PCDHGA6: variants seen among roughly 807,000 people sequenced by gnomAD.
The protein encoded by PCDHGA6 is protocadherin gamma subfamily A, 6, also known as protocadherin gamma-A6.
Under a neutral mutation model 60.6 loss-of-function variants are expected in PCDHGA6, and 41 were observed. The ratio of observed to expected loss-of-function variants is 0.68; its 90% CI spans 0.53 to 0.88. The LOEUF is 0.88. PCDHGA6 is among the 40% of genes least tolerant of loss of function. PCDHGA6 has a pLI of 0.00. For missense variants in PCDHGA6, 1,312 were observed against 1,203.0 expected (o/e 1.09, Z -1.34); for synonymous variants, 594 against 524.4 (o/e 1.13, Z -1.81).
At chr5:141,387,643 C>G in intron 1 of PCDHGA6, 1 of 625,670 alleles carries the variant, frequency 1.6e-6, no homozygotes, top group Non-Finnish European at 2.7e-6. Flanking sequence ...CGCTGTTGGC[C>G]AAAGTGGAGA....
intron 1 of PCDHGA6, among the ~76,000 whole-genome samples, chr5:141,472,913 G>A (rs1049221725): frequency 2.0e-5 from 3 of 147,764 alleles, no homozygotes; most frequent in African/African-American, 2.5e-5. Context: ...TTGAACCCAA[G>A]AGGAGGAGGT....
In PCDHGA6 at chr5:141,408,945, G is replaced by A. The variant is rs1176579339; in HGVS notation, c.2424+32438G>A. 21 of 1,613,590 alleles carry A rather than the reference G, an allele frequency of 1.3e-5. No individual in the cohort carries two copies. In the East Asian group the frequency reaches 4.7e-4, roughly 36 times the overall value. Reference sequence around the variant, plus strand: ...CCGGTTTTCAGCAGAGACGAATATAGAATTAGTCTTAGTGAAAATCTGCCC... The same window carrying A: ...CCGGTTTTCAGCAGAGACGAATATAAAATTAGTCTTAGTGAAAATCTGCCC... On this transcript the variant is annotated intron_variant, in intron 1 of 3. Coordinates refer to ENST00000517434, the MANE Select transcript of PCDHGA6 (RefSeq NM_018919.3).
At chr5:141,450,792 G>T (rs1222162745) in intron 1 of PCDHGA6, among the ~76,000 whole-genome samples, 2 of 149,686 alleles carry the variant, frequency 1.3e-5, no homozygotes, top group Non-Finnish European at 3.0e-5. Context: ...CGGACCTCAT[G>T]ATTGTATTTA....
chr5:141,407,938 GC>G, intron 1 of PCDHGA6: 1 of 510,154 alleles, frequency 2.0e-6, no homozygotes, highest in Non-Finnish European at 3.3e-6. Context: ...GCCTCTGGGC[GC>G]CGCTGTCGGC....
chr5:141,470,872 TTTTTTG>T (rs900302332), intron 1 of PCDHGA6, among the ~76,000 whole-genome samples: 3 of 151,814 alleles, frequency 2.0e-5, no homozygotes, highest in African/African-American at 4.8e-5. Context: ...GTTTGTTTGT[TTTTTTG>T]TTTTTGTTTT....
rs2099413641 is a variant in PCDHGA6, at chr5:141,477,586, T to C, written c.2425-17221T>C. The C allele has an allele frequency of 1.9e-6, 3 of 1,614,022 alleles. No individual in the cohort carries two copies. The highest frequency in any genetic ancestry group is 2.5e-6 in the Non-Finnish European group (3 of 1,180,036). On this transcript the variant is annotated intron_variant, in intron 1 of 3. Transcript: ENST00000517434. This position sits in a 1 kb window ranked among gnomAD's most constrained non-coding sequence, Gnocchi z 4.9. ...GGGACCCCGACGCCCCGCAGAATGC[T>C]CGGCTTTCTTTCTTTCTCTTGGAGC... is the stretch of plus-strand genomic sequence containing the variant.
intron 1 of PCDHGA6, among the ~76,000 whole-genome samples, chr5:141,443,695 A>G (rs1324985529): frequency 1.3e-5 from 2 of 152,272 alleles, no homozygotes; most frequent in Non-Finnish European, 2.9e-5. Context: ...TTCAAAAATT[A>G]TAGAATAACA....
At chr5:141,399,942 G>T (rs780939486) in intron 1 of PCDHGA6, 2 of 1,612,258 alleles carry the variant, frequency 1.2e-6, no homozygotes, top group Admixed American at 3.3e-5. Flanking sequence ...ACCACGTGCT[G>T]CAGGCTAGCG....
At chr5:141,388,811 A>C (rs375009380) in intron 1 of PCDHGA6, 21 of 1,613,866 alleles carry the variant, frequency 1.3e-5, no homozygotes, top group Non-Finnish European at 1.6e-5. Context: ...ATTTTGAAGA[A>C]GTCAAAGAAT....
In PCDHGA6 at chr5:141,432,218, A is replaced by T. The variant is rs570925415; in HGVS notation, c.2424+55711A>T. On this transcript the variant is annotated intron_variant, in intron 1 of 3. Transcript: ENST00000517434. This position sits in a 1 kb window ranked among gnomAD's most constrained non-coding sequence, Gnocchi z 6.0. Reference sequence around the variant, plus strand: ...CCCCGACTGTGAAGAGAACGCCCAGATCACTTATTCCCTGGCTGAGAACAC... The same window carrying T: ...CCCCGACTGTGAAGAGAACGCCCAGTTCACTTATTCCCTGGCTGAGAACAC... The T allele has an allele frequency of 6.2e-7, 1 of 1,614,148 alleles. No homozygotes were observed. The highest frequency in any genetic ancestry group is 1.3e-5 in the African/African-American group (1 of 75,030).
In PCDHGA6 at chr5:141,403,920, A is replaced by T. The variant is rs1470961343; in HGVS notation, c.2424+27413A>T. 8.1e-6 allele frequency: 13 copies of T among 1,613,904 alleles called. No homozygotes were observed. Among genetic ancestry groups the T allele is most frequent in the Non-Finnish European group, 1.1e-5 (13 of 1,179,882 alleles). On this transcript the variant is annotated intron_variant, in intron 1 of 3. Transcript: ENST00000517434. ...TATGAAATGGAAATACAAGCTGAAG[A>T]TGGTGGGGGATTGAAAGGGTGGACA...
chr5:141,386,000 AT>A (rs1420495491), intron 1 of PCDHGA6: 3 of 152,258 alleles, frequency 2.0e-5, no homozygotes, highest in Admixed American at 6.5e-5. Flanking sequence ...ATAAAATGTC[AT>A]TTTAAGTGTT....
At chr5:141,380,165 G>C (rs900894194) in intron 1 of PCDHGA6, among the ~76,000 whole-genome samples, 2 of 152,092 alleles carry the variant, frequency 1.3e-5, no homozygotes, top group Non-Finnish European at 2.9e-5. Flanking sequence ...CTCTCAAAGG[G>C]CTGGGATTAC....
intron 1 of PCDHGA6, among the ~76,000 whole-genome samples, chr5:141,469,029 C>A (rs2099189188): frequency 6.6e-6 from 1 of 152,052 alleles, no homozygotes; most frequent in Non-Finnish European, 1.5e-5. Flanking sequence ...GTAATCCCAG[C>A]ACTTTGGGAG....
intron 1 of PCDHGA6, chr5:141,410,044 C>G: frequency 6.2e-7 from 1 of 1,613,184 alleles, no homozygotes; most frequent in Non-Finnish European, 8.5e-7. Flanking sequence ...CCAGTGAGCC[C>G]GGACTCTTCA....
At chr5:141,450,004 C>CTTTAT (rs2098662217) in intron 1 of PCDHGA6, among the ~76,000 whole-genome samples, 1 of 75,148 alleles carries the variant, frequency 1.3e-5, no homozygotes, top group Non-Finnish European at 2.3e-5. Flanking sequence ...GTTGCCATGT[C>CTTTAT]TCTTTTTTTT....
intron 1 of PCDHGA6, among the ~76,000 whole-genome samples, chr5:141,446,727 A>G (rs546345866): frequency 6.6e-6 from 1 of 152,258 alleles, no homozygotes; most frequent in African/African-American, 2.4e-5. Context: ...TCGGCCTCCC[A>G]AAGTGTGGGG....
intron 1 of PCDHGA6, chr5:141,388,777 A>C: frequency 6.2e-7 from 1 of 1,613,964 alleles, no homozygotes; most frequent in South Asian, 1.1e-5. Flanking sequence ...AACACCGGGG[A>C]AATTACTGTT....
At chr5:141,447,824 G>A (rs926580893) in intron 1 of PCDHGA6, among the ~76,000 whole-genome samples, 7 of 152,034 alleles carry the variant, frequency 4.6e-5, no homozygotes, top group Admixed American at 1.3e-4. Flanking sequence ...GGTGGCTCAC[G>A]CCTGTAATCC....
Sources: allele counts gnomAD v4.1 joint callset (sites outside exome capture counted in the v4.1 genomes callset), GRCh38; gene constraint gnomAD v4.1.1; non-coding constraint Gnocchi (gnomAD v3.1); transcripts MANE v1.5; gene names NCBI Gene and HGNC (gene_info 2026-07-23, HGNC 2026-07-21).